The following CSRNP3 variants were observed in gnomAD, a reference collection of about 807,000 sequenced individuals.
The protein encoded by CSRNP3 is cysteine and serine rich nuclear protein 3.
Under a neutral mutation model 48.0 loss-of-function variants are expected in CSRNP3, and 12 were observed. The ratio of observed to expected loss-of-function variants is 0.25; its 90% CI spans 0.16 to 0.41. The LOEUF is 0.41. Ranked by LOEUF, CSRNP3 falls within the 10% of genes least tolerant of loss-of-function variation. CSRNP3 has a pLI of 1.00. For missense variants in CSRNP3, 580 were observed against 724.4 expected (o/e 0.80, Z 2.29); for synonymous variants, 263 against 269.7 (o/e 0.98, Z 0.24).
rs568394048 is a variant in CSRNP3, at chr2:165,626,224, G to GA, written c.148+31023dup. On this transcript the variant is annotated intron_variant, in intron 4 of 6. Coordinates refer to ENST00000651982, the MANE Select transcript of CSRNP3 (RefSeq NM_001172173.2). ...GGCAAAAGAGTGAAACTCCTTCTCA[G>GA]AAAAAAAAAAAAGAGAAGAGAGAAG... 3.7e-3 allele frequency among the ~76,000 whole-genome samples: 494 copies of GA among 134,074 alleles called. 2 individuals carry two copies. Among genetic ancestry groups the GA allele is most frequent in the South Asian group, 0.011 (45 of 4,178 alleles). The allele number at this position is 134,074 out of a possible 152,430, so 88.0% of individuals were successfully genotyped here. A position where few individuals can be genotyped will look rare whatever the true frequency, so the allele number is the denominator to read the frequency against.
At chr2:165,661,358 CCTTAAACATGCTCAGAACA>C (rs1340163002) in intron 5 of CSRNP3, among the ~76,000 whole-genome samples, 1 of 152,128 alleles carries the variant, frequency 6.6e-6, no homozygotes, top group African/African-American at 2.4e-5. Context: ...ACTTAGCCCA[CCTTAAACATGCTCAGAACA>C]CTTACATTGG....
At chr2:165,511,220 A>T (rs910114938) in intron 2 of CSRNP3, among the ~76,000 whole-genome samples, 3 of 152,218 alleles carry the variant, frequency 2.0e-5, no homozygotes, top group African/African-American at 7.2e-5. Context: ...AATTGAGAGG[A>T]ATTCAATGTA....
At chr2:165,658,116 G>A (rs1034365522) in intron 5 of CSRNP3, 96 bp downstream of exon 5, 17 of 1,358,016 alleles carry the variant, frequency 1.3e-5, no homozygotes, top group Admixed American at 2.3e-5. Flanking sequence ...AACAAACTGG[G>A]CACTTTACAT....
intron 5 of CSRNP3, among the ~76,000 whole-genome samples, chr2:165,662,443 G>A (rs1687113887): frequency 6.6e-6 from 1 of 152,136 alleles, no homozygotes; most frequent in South Asian, 2.1e-4. Context: ...AGTAGCTTTA[G>A]ATTTCTAAAT....
intron 2 of CSRNP3, among the ~76,000 whole-genome samples, chr2:165,505,796 T>G (rs16850805): frequency 0.016 from 2,397 of 152,300 alleles, 58 homozygotes; most frequent in African/African-American, 0.054. Flanking sequence ...TTTATCTTAC[T>G]GGTAATACAA....
intron 3 of CSRNP3, among the ~76,000 whole-genome samples, chr2:165,547,554 A>G (rs965391070): frequency 1.3e-5 from 2 of 151,960 alleles, no homozygotes; most frequent in African/African-American, 2.4e-5. Context: ...TTTCATACGT[A>G]TATTGGCAGT....
chr2:165,483,504 C>T (rs527268719), intron 1 of CSRNP3, among the ~76,000 whole-genome samples: 1 of 152,142 alleles, frequency 6.6e-6, no homozygotes, highest in African/African-American at 2.4e-5. Context: ...TCCTTATATT[C>T]TTTTAAGTCT....
At chr2:165,531,160 A>G (rs1460189182) in intron 3 of CSRNP3, among the ~76,000 whole-genome samples, 1 of 152,200 alleles carries the variant, frequency 6.6e-6, no homozygotes, top group Non-Finnish European at 1.5e-5. Context: ...TTGTCTACAT[A>G]CAAGAGAAAG....
intron 4 of CSRNP3, among the ~76,000 whole-genome samples, chr2:165,641,238 C>T (rs921528691): frequency 2.6e-5 from 4 of 152,174 alleles, no homozygotes; most frequent in Non-Finnish European, 5.9e-5. Flanking sequence ...TTCTCTAATA[C>T]CCTTGAGCTG....
At chr2:165,535,993 A>C (rs940324927) in intron 3 of CSRNP3, among the ~76,000 whole-genome samples, 2 of 151,876 alleles carry the variant, frequency 1.3e-5, no homozygotes, top group Non-Finnish European at 2.9e-5. Context: ...AAAGTTTGCA[A>C]GTAAAATCAG....
chr2:165,531,959 A>G (rs1183592500), intron 3 of CSRNP3, among the ~76,000 whole-genome samples: 3 of 152,222 alleles, frequency 2.0e-5, no homozygotes, highest in African/African-American at 7.2e-5. Flanking sequence ...GAAAATCTAG[A>G]AGAAGTGGAT....
At chr2:165,658,249 T>C (rs1291929785) in intron 5 of CSRNP3, among the ~76,000 whole-genome samples, 1 of 152,024 alleles carries the variant, frequency 6.6e-6, no homozygotes, top group African/African-American at 2.4e-5. Flanking sequence ...TATTGAATAT[T>C]GTGAGATCAT....
chr2:165,617,926 G>C (rs1051056173), intron 4 of CSRNP3, among the ~76,000 whole-genome samples: 9 of 152,230 alleles, frequency 5.9e-5, no homozygotes, highest in Non-Finnish European at 1.2e-4. Flanking sequence ...AGTGGATGTG[G>C]AGAGATGTTG....
intron 4 of CSRNP3, among the ~76,000 whole-genome samples, chr2:165,625,849 C>T (rs1272746007): frequency 1.4e-5 from 2 of 146,488 alleles, no homozygotes; most frequent in East Asian, 2.0e-4. Flanking sequence ...AGGAGAATCG[C>T]GTGAACTCGG....
At chr2:165,653,430 CCAGG>C (rs1200159991) in intron 4 of CSRNP3, among the ~76,000 whole-genome samples, 1 of 152,174 alleles carries the variant, frequency 6.6e-6, no homozygotes, top group Non-Finnish European at 1.5e-5. Flanking sequence ...GTCAGCTCTG[CCAGG>C]GGCCCAGCTG....
At chr2:165,636,734 G>A (rs1386385752) in intron 4 of CSRNP3, among the ~76,000 whole-genome samples, 1 of 152,128 alleles carries the variant, frequency 6.6e-6, no homozygotes, top group East Asian at 1.9e-4. Flanking sequence ...CAAAAATATG[G>A]TTATTGTTTC....
chr2:165,484,929 TTCTTTC>T (rs1684093061), intron 1 of CSRNP3, among the ~76,000 whole-genome samples: 3 of 152,334 alleles, frequency 2.0e-5, no homozygotes, highest in Admixed American at 6.5e-5. Flanking sequence ...CTCTCGCTCT[TTCTTTC>T]TCTTTCTGAG....
chr2:165,654,490 A>T (rs7581715), intron 4 of CSRNP3, among the ~76,000 whole-genome samples: 5,451 of 152,224 alleles, frequency 0.036, 284 homozygotes, highest in African/African-American at 0.11. Flanking sequence ...AAGTTGAGAA[A>T]GCCGAATTGC....
At chr2:165,566,657 A>G in intron 3 of CSRNP3, 1 of 151,350 alleles carries the variant, frequency 6.6e-6, no homozygotes, top group African/African-American at 2.4e-5. Flanking sequence ...TAATTTTTAA[A>G]TTTTTTTTTG....
Sources: gnomAD v4.1 joint callset for allele counts (sites outside exome capture counted in the v4.1 genomes callset) on GRCh38, gnomAD v4.1.1 for gene constraint, MANE v1.5 for transcripts, NCBI Gene and HGNC (gene_info 2026-07-23, HGNC 2026-07-21) for gene names.